OPCML: variants seen among roughly 807,000 people sequenced by gnomAD.
OPCML encodes the protein opioid binding protein/cell adhesion molecule like.
A neutral mutation model predicts 37.8 loss-of-function variants in OPCML; 13 were observed. The observed-to-expected ratio is 0.34, with a 90% CI of 0.22 to 0.55. The LOEUF is 0.55. OPCML is among the 20% of genes least tolerant of loss of function. The probability of loss-of-function intolerance (pLI) is 0.91; values close to 1 mark genes in which losing one functional copy is unlikely to be tolerated. For missense variants in OPCML, 341 were observed against 435.6 expected (o/e 0.78, Z 1.93); for synonymous variants, 176 against 168.8 (o/e 1.04, Z -0.33).
chr11:133,051,578 C>T lies in OPCML; in HGVS notation c.62-108568G>A, dbSNP rs1373746095. Among the ~76,000 whole-genome samples, 4 of 152,288 alleles carry T rather than the reference C, an allele frequency of 2.6e-5. No individual in the cohort carries two copies. In the East Asian group the frequency reaches 5.8e-4, roughly 22 times the overall value. On this transcript the variant is annotated intron_variant, in intron 1 of 7. Transcript: ENST00000524381. Reference sequence around the variant, plus strand: ...ATTCTCACTTGCCTGCCCCACTCCTCGGTTCACACATCTCCCCAGCAGCAC... The same window carrying T: ...ATTCTCACTTGCCTGCCCCACTCCTTGGTTCACACATCTCCCCAGCAGCAC...
chr11:132,496,423 T>C (rs1002843787), intron 4 of OPCML, among the ~76,000 whole-genome samples: 3 of 152,238 alleles, frequency 2.0e-5, no homozygotes, highest in Non-Finnish European at 2.9e-5. Context: ...TTTTCTGAAA[T>C]TACTTCTAAT....
intron 1 of OPCML, chr11:133,418,573 C>A (rs1166308929): frequency 1.8e-6 from 1 of 543,808 alleles, no homozygotes; most frequent in East Asian, 1.5e-4. Context: ...AACCTCCAAA[C>A]TGTCCTTGGT....
At chr11:132,946,051 G>A (rs1483661423) in intron 1 of OPCML, among the ~76,000 whole-genome samples, 1 of 152,148 alleles carries the variant, frequency 6.6e-6, no homozygotes, top group Non-Finnish European at 1.5e-5. Context: ...CAAAGTGCTG[G>A]GATTACAGGT....
chr11:132,921,004 G>T lies in OPCML; in HGVS notation c.146+21922C>A, dbSNP rs184448783. On this transcript the variant is annotated intron_variant, in intron 2 of 7. Coordinates refer to ENST00000524381, the MANE Select transcript of OPCML (RefSeq NM_001012393.5). ...CCCCTCAGCTCCAGTGCTTCCCGCT[G>T]CGTCTGATTCTCCCTGCAGTCTTCT... is the stretch of plus-strand genomic sequence containing the variant. Among the ~76,000 whole-genome samples, 20 of 152,254 alleles carry T rather than the reference G, an allele frequency of 1.3e-4. 1 individual carries two copies. The highest frequency in any genetic ancestry group is 1.2e-3 in the Admixed American group (18 of 15,296).
chr11:133,436,199 T>G (rs1946230042), intron 1 of OPCML, among the ~76,000 whole-genome samples: 1 of 152,206 alleles, frequency 6.6e-6, no homozygotes, highest in Admixed American at 6.5e-5. Flanking sequence ...CTATTTTGCT[T>G]ATATTGTCCC....
chr11:132,705,808 G>T (rs145076517), intron 2 of OPCML, among the ~76,000 whole-genome samples: 36 of 151,956 alleles, frequency 2.4e-4, no homozygotes, highest in African/African-American at 8.0e-4. Context: ...ACCCAGTCTC[G>T]GGTATTTCTT....
intron 1 of OPCML, among the ~76,000 whole-genome samples, chr11:133,097,988 G>C (rs1477256664): frequency 2.0e-5 from 3 of 152,166 alleles, no homozygotes; most frequent in Non-Finnish European, 4.4e-5. Flanking sequence ...GATAGAAGTA[G>C]AGGAAATAAC....
At chr11:133,095,213 C>A (rs551527183) in intron 1 of OPCML, among the ~76,000 whole-genome samples, 1 of 147,340 alleles carries the variant, frequency 6.8e-6, no homozygotes, top group East Asian at 2.1e-4. Context: ...TTTCTAGCCA[C>A]ATCTTCCAAT....
At chr11:133,083,731 C>T (rs1370987166) in intron 1 of OPCML, among the ~76,000 whole-genome samples, 1 of 152,188 alleles carries the variant, frequency 6.6e-6, no homozygotes, top group Admixed American at 6.5e-5. Flanking sequence ...TCTCCAATAA[C>T]GGGAGGCCCA....
At chr11:133,007,978 G>A (rs781782294) in intron 1 of OPCML, 44 of 985,444 alleles carry the variant, frequency 4.5e-5, no homozygotes, top group Middle Eastern at 5.2e-4. Context: ...ATGAGGACAG[G>A]CACATGTCTG....
chr11:133,432,152 C>G (rs1028640553), intron 1 of OPCML, among the ~76,000 whole-genome samples: 1 of 152,038 alleles, frequency 6.6e-6, no homozygotes, highest in Non-Finnish European at 1.5e-5. Context: ...GTACTATGCT[C>G]ATTACCTGAA....
chr11:133,046,085 G>A (rs1472845215), intron 1 of OPCML, among the ~76,000 whole-genome samples: 1 of 152,148 alleles, frequency 6.6e-6, no homozygotes, highest in Admixed American at 6.5e-5. Context: ...CCTCGCTCTG[G>A]AGACACCAGC....
At chr11:133,080,729 A>G (rs980503276) in intron 1 of OPCML, among the ~76,000 whole-genome samples, 9 of 152,186 alleles carry the variant, frequency 5.9e-5, no homozygotes, top group Non-Finnish European at 1.3e-4. Flanking sequence ...GAGAATCAGT[A>G]TAAAAGCTCT....
intron 1 of OPCML, among the ~76,000 whole-genome samples, chr11:133,464,532 T>A (rs1291464122): frequency 1.3e-5 from 2 of 152,082 alleles, no homozygotes; most frequent in Non-Finnish European, 2.9e-5. Flanking sequence ...AGCTGAAACC[T>A]GAAATATGAG....
At chr11:133,425,096 G>A (rs1945974996) in intron 1 of OPCML, among the ~76,000 whole-genome samples, 1 of 152,086 alleles carries the variant, frequency 6.6e-6, no homozygotes, top group Admixed American at 6.5e-5. Flanking sequence ...AAGATAGATT[G>A]TTCAGCTGGA....
At chr11:133,032,005 A>G (rs75244602) in intron 1 of OPCML, among the ~76,000 whole-genome samples, 15,807 of 152,206 alleles carry the variant, frequency 0.1, 1,305 homozygotes, top group East Asian at 0.3. Flanking sequence ...ATTGCCATTT[A>G]TCTGGAGCTA....
In OPCML at chr11:133,334,004, G is replaced by T. The variant is rs141420130; in HGVS notation, c.61+198260C>A. 6.5e-3 allele frequency among the ~76,000 whole-genome samples: 986 copies of T among 152,304 alleles called. 8 individuals are homozygous for T. The highest frequency in any genetic ancestry group is 8.1e-3 in the Non-Finnish European group (550 of 68,024). On this transcript the variant is annotated intron_variant, in intron 1 of 7. Transcript: ENST00000524381. ...AAGTTAAAAAATAACAGATGCTGGTGAGGTTGTGGAGAAAAGGGAACCCTT... is the reference window on the plus strand; with the variant it reads ...AAGTTAAAAAATAACAGATGCTGGTTAGGTTGTGGAGAAAAGGGAACCCTT...
At chr11:132,619,958 A>G (rs535878506) in intron 3 of OPCML, among the ~76,000 whole-genome samples, 1 of 152,134 alleles carries the variant, frequency 6.6e-6, no homozygotes, top group Non-Finnish European at 1.5e-5. Flanking sequence ...ATTTGACATT[A>G]AATCTATTTA....
chr11:132,799,123 G>A (rs1185144695), intron 2 of OPCML, among the ~76,000 whole-genome samples: 2 of 152,214 alleles, frequency 1.3e-5, no homozygotes, highest in African/African-American at 2.4e-5. Context: ...CCTGTTCTTT[G>A]AAGTTTTGAA....
Sources: allele counts gnomAD v4.1 joint callset (sites outside exome capture counted in the v4.1 genomes callset), GRCh38; gene constraint gnomAD v4.1.1; transcripts MANE v1.5; gene names NCBI Gene and HGNC (gene_info 2026-07-23, HGNC 2026-07-21).